ADAMTSL1: variants seen among roughly 807,000 people sequenced by gnomAD.
ADAMTSL1 encodes the protein ADAMTS-like protein 1.
In ADAMTSL1, 126 loss-of-function variants were observed where a neutral mutation model predicts 201.8. That is an observed-to-expected ratio of 0.62 (90% confidence interval 0.54 to 0.72). ADAMTSL1 has a LOEUF of 0.72. Ranked by LOEUF, ADAMTSL1 falls within the 30% of genes least tolerant of loss-of-function variation. The probability of loss-of-function intolerance (pLI) is 0.00; values close to 1 mark genes in which losing one functional copy is unlikely to be tolerated. For synonymous variants in ADAMTSL1, 1,121 were observed against 903.4 expected (o/e 1.24, Z -4.32); for missense variants, 2,679 against 2,277.8 (o/e 1.18, Z -3.59).
chr9:18,660,337 G>T (rs1829000318), intron 8 of ADAMTSL1, among the ~76,000 whole-genome samples: 1 of 152,144 alleles, frequency 6.6e-6, no homozygotes, highest in Admixed American at 6.5e-5. Context: ...AGATTCAACT[G>T]GTTGGACATT....
intron 1 of ADAMTSL1, among the ~76,000 whole-genome samples, chr9:17,933,180 G>T (rs1048052908): frequency 6.6e-6 from 1 of 152,144 alleles, no homozygotes; most frequent in African/African-American, 2.4e-5. Flanking sequence ...CCCTGGGGAA[G>T]GATCTGTTCC....
chr9:18,424,985 A>T (rs188856578), intron 2 of ADAMTSL1, among the ~76,000 whole-genome samples: 1 of 152,356 alleles, frequency 6.6e-6, no homozygotes, highest in East Asian at 1.9e-4. Flanking sequence ...TCTGAATATT[A>T]GTTGGCAACT....
At chr9:18,377,531 G>A (rs1216635063) in intron 2 of ADAMTSL1, among the ~76,000 whole-genome samples, 1 of 152,058 alleles carries the variant, frequency 6.6e-6, no homozygotes. Context: ...TGTGCAACAG[G>A]ACTACATTTG....
chr9:18,434,045 A>G (rs1819613698), intron 2 of ADAMTSL1, among the ~76,000 whole-genome samples: 1 of 152,222 alleles, frequency 6.6e-6, no homozygotes, highest in South Asian at 2.1e-4. Flanking sequence ...CTGAACTTTT[A>G]TGTAACTTTT....
intron 4 of ADAMTSL1, among the ~76,000 whole-genome samples, chr9:18,607,783 T>C (rs941965117): frequency 3.3e-5 from 5 of 150,462 alleles, no homozygotes; most frequent in African/African-American, 1.2e-4. Context: ...TGTGTCCCTG[T>C]GTTCTCATTG....
chr9:18,150,715 G>C (rs1826870240), intron 1 of ADAMTSL1, among the ~76,000 whole-genome samples: 1 of 151,496 alleles, frequency 6.6e-6, no homozygotes, highest in South Asian at 2.1e-4. Context: ...GGAGGGGGGA[G>C]AGTAATAAAT....
intron 3 of ADAMTSL1, among the ~76,000 whole-genome samples, chr9:18,550,279 A>T (rs189036134): frequency 6.7e-4 from 102 of 151,958 alleles, no homozygotes; most frequent in Non-Finnish European, 1.3e-3. Flanking sequence ...TTAAGATCTT[A>T]AGGTTGCAGG....
rs113394706 is a variant in ADAMTSL1 at position 18,717,865 on chromosome 9, A to G, written c.1877-3671A>G. ...TGCTCTTAAAGGGTACCACCACAGGAAAGTCCATTTAAGATGCTGGTAGGT... is the reference window on the plus strand; with the variant it reads ...TGCTCTTAAAGGGTACCACCACAGGGAAGTCCATTTAAGATGCTGGTAGGT... On this transcript the variant is annotated intron_variant, in intron 14 of 28. Coordinates refer to ENST00000380548, the MANE Select transcript of ADAMTSL1 (RefSeq NM_001040272.6). 6.4e-6 allele frequency: 5 copies of G among 781,956 alleles called. No homozygotes were observed. In the East Asian group the frequency reaches 1.2e-4, roughly 19 times the overall value. 48.4% of individuals were successfully genotyped at this position (781,956 alleles called of 1,614,324 possible). A position where few individuals can be genotyped will look rare whatever the true frequency, so the allele number is the denominator to read the frequency against.
rs962456354 is a variant in ADAMTSL1, at chr9:18,462,814, C to T, written c.208-42015C>T. On this transcript the variant is annotated intron_variant, in intron 2 of 29. Coordinates refer to the ADAMTSL1 transcript ENST00000680146. ...ATTAGTTGGGCATGGTGGCACGCAC[C>T]TGTAATTCTAGCTACTCGGGAGGCT... is the stretch of plus-strand genomic sequence containing the variant. Among the ~76,000 whole-genome samples the T allele has an allele frequency of 3.9e-5, 6 of 151,978 alleles. No homozygotes were observed. In the East Asian group the frequency reaches 1.2e-3, roughly 29 times the overall value.
intron 1 of ADAMTSL1, among the ~76,000 whole-genome samples, chr9:18,005,510 C>G (rs773286312): frequency 5.9e-5 from 9 of 152,070 alleles, no homozygotes; most frequent in Admixed American, 1.3e-4. Flanking sequence ...CAGTCTATAA[C>G]TCAGCCCCAA....
chr9:18,130,141 C>A (rs1443808698), intron 1 of ADAMTSL1, among the ~76,000 whole-genome samples: 1 of 152,156 alleles, frequency 6.6e-6, no homozygotes, highest in Non-Finnish European at 1.5e-5. Context: ...CTTGCCATCA[C>A]AGTAACCTCA....
chr9:18,505,323 T>C (rs1008787559), intron 2 of ADAMTSL1, among the ~76,000 whole-genome samples: 2 of 152,222 alleles, frequency 1.3e-5, no homozygotes, highest in African/African-American at 4.8e-5. Context: ...TAGTAGCATA[T>C]TGAGTTTATG....
At chr9:18,754,891 A>C (rs1230535106) in intron 16 of ADAMTSL1, among the ~76,000 whole-genome samples, 1 of 152,216 alleles carries the variant, frequency 6.6e-6, no homozygotes, top group Non-Finnish European at 1.5e-5. Context: ...ACACCAATGT[A>C]CCAGCGCTTA....
At chr9:18,547,629 T>TAAAA (rs1820546670) in intron 3 of ADAMTSL1, among the ~76,000 whole-genome samples, 3 of 86,332 alleles carry the variant, frequency 3.5e-5, no homozygotes, top group African/African-American at 1.7e-4. Context: ...GCTGTATATA[T>TAAAA]ATATAAAAAA....
chr9:18,645,250 G>C (rs1301560679), intron 7 of ADAMTSL1, among the ~76,000 whole-genome samples: 1 of 152,164 alleles, frequency 6.6e-6, no homozygotes, highest in Non-Finnish European at 1.5e-5. Context: ...TTTTATTCTT[G>C]TAAATTTGTT....
intron 2 of ADAMTSL1, among the ~76,000 whole-genome samples, chr9:18,256,774 A>G (rs1299105213): frequency 6.6e-6 from 1 of 152,220 alleles, no homozygotes. Context: ...CGTAATATAC[A>G]GCCCGGGTGC....
At chr9:17,948,345 C>A (rs1202061415) in intron 1 of ADAMTSL1, among the ~76,000 whole-genome samples, 1 of 152,188 alleles carries the variant, frequency 6.6e-6, no homozygotes, top group African/African-American at 2.4e-5. Context: ...TGCTTCTCTG[C>A]ATTTTCCATT....
At chr9:18,415,640 G>C (rs1818641076) in intron 2 of ADAMTSL1, among the ~76,000 whole-genome samples, 1 of 151,686 alleles carries the variant, frequency 6.6e-6, no homozygotes. Context: ...TGAAGAAATG[G>C]CCAGGAATTT....
intron 14 of ADAMTSL1, chr9:18,718,446 A>G: frequency 1.6e-6 from 1 of 621,118 alleles, no homozygotes; most frequent in South Asian, 1.4e-5. Context: ...TTTTCAACAA[A>G]AATTCCTTGA....
Sources: gnomAD v4.1 joint callset for allele counts (sites outside exome capture counted in the v4.1 genomes callset) on GRCh38, gnomAD v4.1.1 for gene constraint, MANE v1.5 for transcripts, NCBI Gene and HGNC (gene_info 2026-07-23, HGNC 2026-07-21) for gene names.